Variants in SLC19A3 observed in about 807,000 individuals in gnomAD.
SLC19A3 encodes solute carrier family 19 member 3, also known as thiamine transporter 2.
Under a neutral mutation model 40.2 loss-of-function variants are expected in SLC19A3, and 31 were observed. The ratio of observed to expected loss-of-function variants is 0.77; its 90% CI spans 0.58 to 1.04. The LOEUF (loss-of-function observed/expected upper bound fraction) is 1.04. Ranked by LOEUF, SLC19A3 falls within the 50% of genes least tolerant of loss-of-function variation. SLC19A3 has a pLI of 0.00. For synonymous variants in SLC19A3, 212 were observed against 227.5 expected (o/e 0.93, Z 0.61); for missense variants, 592 against 596.7 (o/e 0.99, Z 0.08).
At chr2:227,714,772 T>G (rs1411278669) in intron 1 of SLC19A3, among the ~76,000 whole-genome samples, 1 of 142,628 alleles carries the variant, frequency 7.0e-6, no homozygotes, top group Non-Finnish European at 1.5e-5. Context: ...ATTAGAGAGA[T>G]AAATACATGA....
In SLC19A3 at chr2:227,699,369, C is replaced by A. The variant is rs779294877; in HGVS notation, c.346G>T (p.Val116Phe). 2 of 1,613,992 alleles carry A rather than the reference C, an allele frequency of 1.2e-6. No individual in the cohort carries two copies. Among genetic ancestry groups the A allele is most frequent in the African/African-American group, 2.7e-5 (2 of 74,892 alleles). The change falls in exon 3 of 6, where the codon GTC becomes TTC. Residue 116 changes from valine to phenylalanine, a missense_variant. By Grantham distance (50) the Val-to-Phe change is conservative. Coordinates refer to ENST00000644224, the MANE Select transcript of SLC19A3 (RefSeq NM_025243.4). ...TAGTAGGCCACCTCGGCGGCGGTGA[C>A]CATCCCATAGAAGAACTCTACAACC... is the stretch of plus-strand genomic sequence containing the variant. ...MQVVEFFYGM[V>F]TAAEVAYYAY... is the part of the protein sequence containing the mutation.
rs181078339 is a variant in SLC19A3 at position 227,713,068 on chromosome 2, C to T, written c.-3+4875G>A. Among the ~76,000 whole-genome samples, 15 of 152,248 alleles carry T rather than the reference C, an allele frequency of 9.9e-5. No individual in the cohort carries two copies. In the East Asian group the frequency reaches 2.7e-3, roughly 27 times the overall value. ...TACATTTTCTTATTTGTAAACCACA[C>T]TGCTAGGGTTTGAATATCTGTCCTC... is the stretch of plus-strand genomic sequence containing the variant. On this transcript the variant is annotated intron_variant, in intron 1 of 5. Coordinates refer to ENST00000644224, the MANE Select transcript of SLC19A3 (RefSeq NM_025243.4).
At position 227,687,371 on chromosome 2, in the gene SLC19A3, C is replaced by G; in HGVS notation, c.*26G>C. 1 of 1,586,308 alleles carries G rather than the reference C, an allele frequency of 6.3e-7. No homozygotes were observed. The highest frequency in any genetic ancestry group is 8.6e-7 in the Non-Finnish European group (1 of 1,164,114). ...CCTTATTATTGCATAACTTTGAAAG[C>G]CACTGTTGCGTTTGTTGCGATGAGG... On this transcript the variant is annotated 3_prime_UTR_variant, in exon 6 of 6. Transcript: ENST00000644224.
In SLC19A3 at chr2:227,691,973, G is replaced by T. The variant is rs540352372; in HGVS notation, c.1173-3666C>A. Among the ~76,000 whole-genome samples, 246 of 152,136 alleles carry T rather than the reference G, an allele frequency of 1.6e-3. 2 individuals carry two copies. The highest frequency in any genetic ancestry group is 5.6e-3 in the African/African-American group (232 of 41,444). On this transcript the variant is annotated intron_variant, in intron 4 of 5. Transcript: ENST00000644224. ...ATATGCCAATAAATTGGAAAATCTA[G>T]AAGAAATGGATAAATTCCTATATAC...
At chr2:227,696,284 T>C (rs968827799) in intron 3 of SLC19A3, among the ~76,000 whole-genome samples, 3 of 152,238 alleles carry the variant, frequency 2.0e-5, no homozygotes, top group African/African-American at 7.2e-5. Context: ...TTGCTATTCT[T>C]TCGGTCACTT....
intron 2 of SLC19A3, 97 bp downstream of exon 2, chr2:227,702,072 G>GTTCA (rs1695717248): frequency 2.1e-6 from 2 of 973,670 alleles, no homozygotes; most frequent in Non-Finnish European, 1.6e-6. Flanking sequence ...AGTTTAATGT[G>GTTCA]TTCATCTTAT....
intron 1 of SLC19A3, among the ~76,000 whole-genome samples, chr2:227,712,331 T>C (rs948481573): frequency 8.6e-5 from 13 of 151,952 alleles, no homozygotes; most frequent in African/African-American, 2.7e-4. Context: ...AAAAGCAATA[T>C]CTGATAAAAG....
intron 4 of SLC19A3, among the ~76,000 whole-genome samples, chr2:227,694,472 C>T (rs114812021): frequency 0.041 from 6,254 of 152,074 alleles, 423 homozygotes; most frequent in African/African-American, 0.14. Flanking sequence ...TGATTTTTTC[C>T]CAGAGTGCTC....
intron 2 of SLC19A3, 44 bp from the exon 3 acceptor site, chr2:227,699,608 T>C (rs747965764): frequency 7.2e-6 from 11 of 1,524,884 alleles, no homozygotes; most frequent in Admixed American, 1.7e-5. Flanking sequence ...ACCGGTACTT[T>C]ACTAAGGTAC....
rs555334820 is a variant in SLC19A3 at position 227,685,934 on chromosome 2, C to T, written c.*1463G>A. 4.0e-5 allele frequency: 7 copies of T among 176,194 alleles called. No individual in the cohort carries two copies. The highest frequency in any genetic ancestry group is 9.4e-5 in the South Asian group (1 of 10,594). The allele number at this position is 176,194 out of a possible 1,614,324, so 10.9% of individuals were successfully genotyped here. On this transcript the variant is annotated 3_prime_UTR_variant, in exon 6 of 6. Coordinates refer to ENST00000644224, the MANE Select transcript of SLC19A3 (RefSeq NM_025243.4). ...TGTTTTGGCCAGGCATGGTGGCTCACGCCTGTAATCTCAGCTCTTTGGGAG... is the reference window on the plus strand; with the variant it reads ...TGTTTTGGCCAGGCATGGTGGCTCATGCCTGTAATCTCAGCTCTTTGGGAG...
At chr2:227,715,433 C>T (rs766764110) in intron 1 of SLC19A3, among the ~76,000 whole-genome samples, 3 of 151,476 alleles carry the variant, frequency 2.0e-5, no homozygotes, top group South Asian at 2.1e-4. Flanking sequence ...GCCATGTTGG[C>T]CAGGCTACTC....
chr2:227,699,636 A>C, intron 2 of SLC19A3, 72 bp from the exon 3 acceptor site: 1 of 1,270,176 alleles, frequency 7.9e-7, no homozygotes, highest in South Asian at 1.2e-5. Context: ...TTGTATCTCA[A>C]ATTCTGCCTC....
At chr2:227,716,210 C>G (rs1358336396) in intron 1 of SLC19A3, among the ~76,000 whole-genome samples, 1 of 152,120 alleles carries the variant, frequency 6.6e-6, no homozygotes, top group African/African-American at 2.4e-5. Flanking sequence ...AAGGTTTATC[C>G]CATGAAGGAC....
chr2:227,706,418 T>G (rs1173895645), intron 1 of SLC19A3: 1 of 1,230,960 alleles, frequency 8.1e-7, no homozygotes, highest in African/African-American at 1.6e-5. Context: ...CTTCACCCAT[T>G]ATTATAAGCT....
At position 227,696,048 on chromosome 2, in the gene SLC19A3, T is replaced by C; in HGVS notation, c.1013A>G (p.Lys338Arg). ...AVAAFAVGYV[K>R]VNWDLLGELA... ...CTCTCCCAGAAGGTCCCAGTTGACT[T>C]TCACATAACCCACTGCAAAGGCAGC... The change falls in exon 4 of 6, where the codon AAA (lysine) becomes AGA (arginine). Residue 338 changes from lysine (K) to arginine (R), a missense_variant. Coordinates refer to ENST00000644224, the MANE Select transcript of SLC19A3 (RefSeq NM_025243.4). The C allele has an allele frequency of 6.2e-7, 1 of 1,612,904 alleles. No individual in the cohort carries two copies. Among genetic ancestry groups the C allele is most frequent in the Non-Finnish European group, 8.5e-7 (1 of 1,179,848 alleles).
chr2:227,707,497 C>T (rs1286320451), intron 1 of SLC19A3, among the ~76,000 whole-genome samples: 1 of 151,850 alleles, frequency 6.6e-6, no homozygotes. Context: ...GTGGGAGGAT[C>T]ACTGAAGACC....
intron 1 of SLC19A3, 104 bp from the exon 2 acceptor site, chr2:227,702,424 C>T (rs1054352384): frequency 1.1e-4 from 128 of 1,157,326 alleles, no homozygotes; most frequent in Middle Eastern, 4.9e-4. Context: ...GATGGAGGGT[C>T]GCTCTGTTGT....
At chr2:227,701,325 T>C (rs539601002) in intron 2 of SLC19A3, 4 of 210,400 alleles carry the variant, frequency 1.9e-5, no homozygotes, top group African/African-American at 9.4e-5. Flanking sequence ...TTGTACTTCT[T>C]ATAAAGAAAT....
In SLC19A3 at chr2:227,703,958, C is replaced by T. The variant is rs1004232781; in HGVS notation, c.-2-1638G>A. ...AGGTTTCTAATACAGCTGTCCAAAT[C>T]GATTTAGTTGGGATGGTCAAGCAGA... On this transcript the variant is annotated intron_variant, in intron 1 of 5. Coordinates refer to ENST00000644224, the MANE Select transcript of SLC19A3 (RefSeq NM_025243.4). The surrounding 1 kb of genome is among the most constrained non-coding windows in gnomAD (Gnocchi z 4.7). Among the ~76,000 whole-genome samples, 2 of 127,808 alleles carry T rather than the reference C, an allele frequency of 1.6e-5. No homozygotes were observed. Among genetic ancestry groups the T allele is most frequent in the Non-Finnish European group, 3.3e-5 (2 of 60,942 alleles). The allele number at this position is 127,808 out of a possible 152,430, so 83.8% of individuals were successfully genotyped here.
Sources: allele counts gnomAD v4.1 joint callset (sites outside exome capture counted in the v4.1 genomes callset), GRCh38; gene constraint gnomAD v4.1.1; non-coding constraint Gnocchi (gnomAD v3.1); transcripts MANE v1.5; gene names NCBI Gene and HGNC (gene_info 2026-07-23, HGNC 2026-07-21).